MFNG: variants seen among roughly 807,000 people sequenced by gnomAD.
MFNG encodes MFNG O-fucosylpeptide 3-beta-N-acetylglucosaminyltransferase, also known as beta-1,3-N-acetylglucosaminyltransferase manic fringe.
Under a neutral mutation model 34.2 loss-of-function variants are expected in MFNG, and 24 were observed. The observed-to-expected ratio is 0.70, with a 90% confidence interval of 0.51 to 0.99. The LOEUF (loss-of-function observed/expected upper bound fraction) is 0.99. MFNG is among the 50% of genes least tolerant of loss of function. The pLI is 0.00. For missense variants in MFNG, 383 were observed against 424.0 expected (o/e 0.90, Z 0.85); for synonymous variants, 158 against 179.2 (o/e 0.88, Z 0.94).
chr22:37,480,469 C>T (rs1356765030), intron 2 of MFNG, 170 bp from the exon 3 acceptor site: 4 of 659,612 alleles, frequency 6.1e-6, no homozygotes, highest in African/African-American at 5.4e-5. Flanking sequence ...CCCAGGACCA[C>T]AGACCTAGTG....
chr22:37,485,995 C>T lies in MFNG; in HGVS notation c.183G>A (p.Lys61=). ...GCAAGCGGTGGAAAGCCCGGGTCGT[C>T]TTCACTGCAATGAAGACATCGTGTA... ...LQLHDVFIAV[K]TTRAFHRLRL... Residue 61 remains lysine (K), a synonymous_variant, in exon 1 of 8, where the codon AAG becomes AAA. Coordinates refer to ENST00000356998, the MANE Select transcript of MFNG (RefSeq NM_002405.4). This position sits in a 1 kb window ranked among gnomAD's most constrained non-coding sequence, Gnocchi z 5.3. 1 of 1,614,068 alleles carries T rather than the reference C, an allele frequency of 6.2e-7. No homozygotes were observed. Among genetic ancestry groups the T allele is most frequent in the Non-Finnish European group, 8.5e-7 (1 of 1,179,952 alleles).
intron 7 of MFNG, among the ~76,000 whole-genome samples, chr22:37,471,945 T>C (rs1342797090): frequency 6.6e-6 from 1 of 151,978 alleles, no homozygotes; most frequent in Non-Finnish European, 1.5e-5. Flanking sequence ...AGGAGCGGAT[T>C]TGGGTGGCCC....
chr22:37,484,971 A>ATGTGTG (rs71764174), intron 1 of MFNG, among the ~76,000 whole-genome samples: 32 of 148,546 alleles, frequency 2.2e-4, no homozygotes, highest in East Asian at 9.9e-4. Context: ...GAGGGGACCG[A>ATGTGTG]TGTGTGTGTG....
chr22:37,478,723 G>C (rs1321055601), intron 4 of MFNG, among the ~76,000 whole-genome samples: 2 of 151,644 alleles, frequency 1.3e-5, no homozygotes, highest in African/African-American at 4.9e-5. Context: ...CTGCCGCCCA[G>C]GCTGGAGTGC....
rs769102277 is a variant in MFNG, at chr22:37,486,082, C to G, written c.96G>C (p.Pro32=). The change falls in exon 1 of 8, where the codon CCG becomes CCC. Residue 32 remains proline (P), a synonymous_variant. Coordinates refer to ENST00000356998, the MANE Select transcript of MFNG (RefSeq NM_002405.4). ...LCLRYHLNLS[P]QRVQGTPELS... ...GCTCGGGGGTCCCTTGTACCCGCTG[C>G]GGGGACAGGTTCAAGTGGTACCGCA... 1.2e-6 allele frequency: 2 copies of G among 1,613,404 alleles called. No homozygotes were observed. Among genetic ancestry groups the G allele is most frequent in the East Asian group, 2.2e-5 (1 of 44,862 alleles).
rs759305923 is a variant in MFNG, at chr22:37,480,299, C to A, written c.305G>T (p.Gly102Val). Reference protein sequence around the residue: ...SPDKGLQERLGSHLVVTNCSA... With the variant: ...SPDKGLQERLVSHLVVTNCSA... The stretch of plus-strand genomic sequence containing the variant: ...GCAGTTGGTGACCACAAGGTGGGAC[C>A]CTGGAGAAGTGAGGAGGAGTCAGGG... Residue 102 changes from glycine to valine, a missense_variant and splice_region_variant, in exon 3 of 8, where the codon GGG becomes GTG. By Grantham distance (109) the Gly-to-Val change is moderately radical. Coordinates refer to ENST00000356998, the MANE Select transcript of MFNG (RefSeq NM_002405.4). The A allele has an allele frequency of 5.0e-6, 8 of 1,612,938 alleles. No individual in the cohort carries two copies. The African/African-American group carries it at 8.0e-5, about 16-fold the overall frequency.
intron 7 of MFNG, among the ~76,000 whole-genome samples, chr22:37,470,679 T>C (rs1235237741): frequency 3.3e-5 from 5 of 152,210 alleles, no homozygotes; most frequent in African/African-American, 4.8e-5. Flanking sequence ...CTCAGCATCA[T>C]GGGAGCCCTC....
Position 37,485,921 on chromosome 22 carries a change from A to C in MFNG, c.255+2T>G, listed in dbSNP as rs1305207690. On this transcript the variant is annotated splice_donor_variant, in intron 1 of 7. Coordinates refer to ENST00000356998, the MANE Select transcript of MFNG (RefSeq NM_002405.4). LOFTEE classifies it high-confidence loss of function. This position sits in a 1 kb window ranked among gnomAD's most constrained non-coding sequence, Gnocchi z 5.3. The stretch of plus-strand genomic sequence containing the variant: ...CAGGGCCCAATGTCACCCACTTGTC[A>C]CCTGTTCCCTGGTCCTGGAAACCCA... 6.2e-7 allele frequency: 1 copy of C among 1,611,558 alleles called. No homozygotes were observed. Among genetic ancestry groups the C allele is most frequent in the South Asian group, 1.1e-5 (1 of 90,796 alleles).
In MFNG at chr22:37,469,791, C is replaced by A. The variant is rs1405048492; in HGVS notation, c.*172G>T. On this transcript the variant is annotated 3_prime_UTR_variant, in exon 8 of 8. Coordinates refer to ENST00000356998, the MANE Select transcript of MFNG (RefSeq NM_002405.4). ...GGCTGTCTAACTCACCTCCCAGGGGCCTGGGGTGCCTTCAGTGCCAATTGC... is the reference window on the plus strand; with the variant it reads ...GGCTGTCTAACTCACCTCCCAGGGGACTGGGGTGCCTTCAGTGCCAATTGC... The A allele has an allele frequency of 2.8e-6, 2 of 709,212 alleles. No individual in the cohort carries two copies. Among genetic ancestry groups the A allele is most frequent in the Admixed American group, 2.0e-5 (1 of 49,566 alleles). 43.9% of individuals were successfully genotyped at this position (709,212 alleles called of 1,614,324 possible).
intron 1 of MFNG, among the ~76,000 whole-genome samples, chr22:37,484,970 G>A (rs1163307536): frequency 1.4e-5 from 2 of 142,706 alleles, no homozygotes; most frequent in South Asian, 2.2e-4. Context: ...AGAGGGGACC[G>A]ATGTGTGTGT....
Position 37,469,897 on chromosome 22 carries a change from G to C in MFNG, c.*66C>G, listed in dbSNP as rs759775653. The C allele has an allele frequency of 2.3e-6, 3 of 1,315,242 alleles. No individual in the cohort carries two copies. The Admixed American group carries it at 5.8e-5, about 26-fold the overall frequency. The allele number at this position is 1,315,242 out of a possible 1,614,324, so 81.5% of individuals were successfully genotyped here. A position where few individuals can be genotyped will look rare whatever the true frequency, so the allele number is the denominator to read the frequency against. On this transcript the variant is annotated 3_prime_UTR_variant, in exon 8 of 8. Coordinates refer to ENST00000356998, the MANE Select transcript of MFNG (RefSeq NM_002405.4). ...ACAAGACACTTGCCAGGGACCCACAGTGCCACCTTGGGAGCCAAGGCACAC... is the reference window on the plus strand; with the variant it reads ...ACAAGACACTTGCCAGGGACCCACACTGCCACCTTGGGAGCCAAGGCACAC...
rs1227012159 is a variant in MFNG, at chr22:37,482,089, G to A, written c.256-1320C>T. Among the ~76,000 whole-genome samples the A allele has an allele frequency of 2.6e-5, 4 of 152,194 alleles. No individual in the cohort carries two copies. Among genetic ancestry groups the A allele is most frequent in the African/African-American group, 4.8e-5 (2 of 41,446 alleles). On this transcript the variant is annotated intron_variant, in intron 1 of 7. Transcript: ENST00000356998. The surrounding 1 kb of genome is among the most constrained non-coding windows in gnomAD (Gnocchi z 4.1). ...CTGAGGCATAGGAGGCCAGGAGGCC[G>A]GGAGCCAGGTTTGACACAGGAAGGG...
At chr22:37,478,594 G>C (rs1412817006) in intron 4 of MFNG, among the ~76,000 whole-genome samples, 1 of 152,096 alleles carries the variant, frequency 6.6e-6, no homozygotes, top group Non-Finnish European at 1.5e-5. Flanking sequence ...TGGAGGGAGA[G>C]GGTGCCCCAG....
At chr22:37,470,914 T>A (rs752163038) in intron 7 of MFNG, among the ~76,000 whole-genome samples, 1 of 152,202 alleles carries the variant, frequency 6.6e-6, no homozygotes, top group Admixed American at 6.5e-5. Context: ...GGCCTTTGCA[T>A]ATGCTGTCCC....
chr22:37,472,515 T>C lies in MFNG; in HGVS notation c.827A>G (p.Tyr276Cys). 1.3e-6 allele frequency: 2 copies of C among 1,580,564 alleles called. No individual in the cohort carries two copies. The highest frequency in any genetic ancestry group is 1.2e-5 in the South Asian group (1 of 86,876). The change falls in exon 7 of 8, where the codon TAC becomes TGC. Residue 276 changes from tyrosine (Y) to cysteine (C), a missense_variant. By Grantham distance (194) the Tyr-to-Cys change is radical (BLOSUM62 -2). Transcript: ENST00000356998. The part of the protein sequence containing the change: ...AQLPEQVTLS[Y>C]GVFEGKLNVI... ...GTTGAGTTTCCCCTCAAAGACACCG[T>C]AGCTGAGGGTGACCTGGGCAGGGAG...
Position 37,469,865 on chromosome 22 carries a change from G to T in MFNG, c.*98C>A. 1 of 989,714 alleles carries T rather than the reference G, an allele frequency of 1.0e-6. No individual in the cohort carries two copies. Among genetic ancestry groups the T allele is most frequent in the Non-Finnish European group, 1.6e-6 (1 of 633,966 alleles). The allele number at this position is 989,714 out of a possible 1,614,324, so 61.3% of individuals were successfully genotyped here. A position where few individuals can be genotyped will look rare whatever the true frequency, so the allele number is the denominator to read the frequency against. On this transcript the variant is annotated 3_prime_UTR_variant, in exon 8 of 8. Coordinates refer to ENST00000356998, the MANE Select transcript of MFNG (RefSeq NM_002405.4). The stretch of plus-strand genomic sequence containing the variant: ...CCACCCGAAGGCCCTGCCAGGGACT[G>T]CCTATCACAAGACACTTGCCAGGGA...
At chr22:37,475,045 A>G (rs1921977206) in intron 5 of MFNG, among the ~76,000 whole-genome samples, 2 of 152,114 alleles carry the variant, frequency 1.3e-5, no homozygotes, top group Admixed American at 1.3e-4. Context: ...CAGAGATGAG[A>G]AAGAAACGCT....
At position 37,472,449 on chromosome 22, in the gene MFNG, G is replaced by C; in HGVS notation, c.893C>G (p.Pro298Arg). The change falls in exon 7 of 8, where the codon CCC becomes CGC. Residue 298 changes from proline (P) to arginine (R), a missense_variant. Transcript: ENST00000356998. ...TTCCAGCCCCCAGACCCACCTGGAG[G>C]GGTCCTCCTCCGGGGAGAAGGGGCC... is the stretch of plus-strand genomic sequence containing the variant. ...LQGPFSPEED[P>R]SRFRSLHCLL... 1 of 1,582,140 alleles carries C rather than the reference G, an allele frequency of 6.3e-7. No individual in the cohort carries two copies. The highest frequency in any genetic ancestry group is 8.6e-7 in the Non-Finnish European group (1 of 1,167,912).
chr22:37,476,743 G>C (rs1033858679), intron 5 of MFNG, among the ~76,000 whole-genome samples, 153 bp downstream of exon 5: 4 of 152,200 alleles, frequency 2.6e-5, no homozygotes, highest in African/African-American at 9.6e-5. Context: ...CAGGTGGCTT[G>C]TTCACCACCA....
Sources: allele counts gnomAD v4.1 joint callset (sites outside exome capture counted in the v4.1 genomes callset), GRCh38; gene constraint gnomAD v4.1.1; non-coding constraint Gnocchi (gnomAD v3.1); transcripts MANE v1.5; gene names NCBI Gene and HGNC (gene_info 2026-07-23, HGNC 2026-07-21).